Variants in RALY observed in about 807,000 individuals in gnomAD.
RALY encodes the protein RNA-binding protein Raly.
Under a neutral mutation model 30.7 loss-of-function variants are expected in RALY, and 15 were observed. The ratio of observed to expected loss-of-function variants is 0.49; its 90% confidence interval spans 0.33 to 0.75. The LOEUF (loss-of-function observed/expected upper bound fraction) is 0.75, where lower values mean the gene tolerates loss of function less well. RALY is among the 30% of genes least tolerant of loss of function. RALY has a pLI of 0.02. For missense variants in RALY, 339 were observed against 414.3 expected (o/e 0.82, Z 1.58); for synonymous variants, 177 against 170.8 (o/e 1.04, Z -0.28).
chr20:34,067,886 C>T (rs1458357758), intron 2 of RALY, among the ~76,000 whole-genome samples: 4 of 149,568 alleles, frequency 2.7e-5, no homozygotes, highest in Admixed American at 1.3e-4. Flanking sequence ...TGTCTCTTAC[C>T]AGCCCCAAAT....
At chr20:34,031,897 G>A (rs893173346) in intron 2 of RALY, among the ~76,000 whole-genome samples, 1 of 152,112 alleles carries the variant, frequency 6.6e-6, no homozygotes, top group Admixed American at 6.5e-5. Context: ...GCAGGTGGGG[G>A]GCTATCCTGG....
At chr20:34,006,753 A>G (rs1274040601) in intron 1 of RALY, among the ~76,000 whole-genome samples, 1 of 152,236 alleles carries the variant, frequency 6.6e-6, no homozygotes, top group African/African-American at 2.4e-5. Context: ...GAGCAACTAT[A>G]CAGCCTATGC....
intron 1 of RALY, among the ~76,000 whole-genome samples, chr20:34,017,051 G>A (rs1215145429): frequency 3.3e-5 from 1 of 30,250 alleles, no homozygotes; most frequent in African/African-American, 1.9e-4. Context: ...GGACCAGCAG[G>A]CAGGGCTACC....
intron 2 of RALY, among the ~76,000 whole-genome samples, chr20:34,063,709 T>A (rs1330172749): frequency 6.6e-6 from 1 of 152,172 alleles, no homozygotes; most frequent in Admixed American, 6.5e-5. Flanking sequence ...CAGCTCTATG[T>A]ACAGGAGGAA....
At chr20:34,052,692 G>C (rs2033116221) in intron 2 of RALY, among the ~76,000 whole-genome samples, 1 of 152,156 alleles carries the variant, frequency 6.6e-6, no homozygotes, top group Admixed American at 6.5e-5. Context: ...CTCAGTAACT[G>C]GAAAGGTGCC....
At chr20:34,008,734 C>T (rs2031271209) in intron 1 of RALY, among the ~76,000 whole-genome samples, 1 of 152,180 alleles carries the variant, frequency 6.6e-6, no homozygotes, top group African/African-American at 2.4e-5. Context: ...TCATAGCTCA[C>T]TGCAGCCTCA....
intron 1 of RALY, among the ~76,000 whole-genome samples, 171 bp from the exon 2 acceptor site, chr20:34,031,351 G>A (rs931672606): frequency 2.6e-5 from 4 of 151,388 alleles, no homozygotes; most frequent in African/African-American, 4.9e-5. Flanking sequence ...ATGAGCCACC[G>A]CGCCAGGCGT....
At chr20:34,077,306 A>G (rs1400293338) in intron 8 of RALY, 61 bp downstream of exon 8, 14 of 1,601,294 alleles carry the variant, frequency 8.7e-6, no homozygotes, top group Middle Eastern at 1.7e-4. Flanking sequence ...CAGGAGGCCA[A>G]CAGGGGAATG....
intron 1 of RALY, among the ~76,000 whole-genome samples, chr20:34,020,615 G>A (rs933809021): frequency 6.6e-6 from 1 of 152,190 alleles, no homozygotes; most frequent in African/African-American, 2.4e-5. Context: ...GGCAAATCTA[G>A]CCCATTGCCT....
intron 2 of RALY, among the ~76,000 whole-genome samples, chr20:34,044,820 A>G (rs2032823954): frequency 6.6e-6 from 1 of 152,232 alleles, no homozygotes; most frequent in Non-Finnish European, 1.5e-5. Flanking sequence ...TTATACTTAC[A>G]TACATTCAGT....
At chr20:34,029,930 A>T (rs1433699951) in intron 1 of RALY, 1 of 152,262 alleles carries the variant, frequency 6.6e-6, no homozygotes, top group East Asian at 1.9e-4. Flanking sequence ...ACTGTGCGGT[A>T]AATGCCTATT....
chr20:34,012,191 G>A (rs112014130), intron 1 of RALY, among the ~76,000 whole-genome samples: 7 of 152,266 alleles, frequency 4.6e-5, no homozygotes, highest in South Asian at 2.1e-4. Context: ...AGTGGCTTCT[G>A]CCATAGCCTG....
At chr20:34,074,541 C>G (rs533570035) in intron 5 of RALY, among the ~76,000 whole-genome samples, 32 of 152,294 alleles carry the variant, frequency 2.1e-4, no homozygotes, top group African/African-American at 7.2e-4. Context: ...CATGAGTCGT[C>G]CGCCCCCATC....
chr20:34,064,818 C>T (rs899953397), intron 2 of RALY, among the ~76,000 whole-genome samples: 2 of 152,192 alleles, frequency 1.3e-5, no homozygotes, highest in Non-Finnish European at 2.9e-5. Context: ...GCACTTTACT[C>T]ATATTATCTC....
rs142340147 is a variant in RALY at position 34,053,676 on chromosome 20, C to T, written c.-9-18390C>T. Among the ~76,000 whole-genome samples, 4 of 152,152 alleles carry T rather than the reference C, an allele frequency of 2.6e-5. No individual in the cohort carries two copies. In the East Asian group the frequency reaches 7.8e-4, roughly 30 times the overall value. On this transcript the variant is annotated intron_variant, in intron 2 of 9. Transcript: ENST00000246194. ...CCTCCCAAAGTATTAGGATTACAGG[C>T]GTGAGCCACCATGCCTAGCCAAGAA...
At chr20:34,054,388 G>T (rs1464583465) in intron 2 of RALY, among the ~76,000 whole-genome samples, 1 of 152,194 alleles carries the variant, frequency 6.6e-6, no homozygotes, top group Non-Finnish European at 1.5e-5. Context: ...TCAGCAGAGA[G>T]TATCTGGGTC....
At chr20:34,065,749 G>A (rs1426892631) in intron 2 of RALY, among the ~76,000 whole-genome samples, 1 of 152,146 alleles carries the variant, frequency 6.6e-6, no homozygotes, top group African/African-American at 2.4e-5. Flanking sequence ...GAACCACCCG[G>A]ATGTCCCCAG....
chr20:34,040,875 A>G (rs2032673748), intron 2 of RALY, among the ~76,000 whole-genome samples: 2 of 152,206 alleles, frequency 1.3e-5, no homozygotes. Context: ...TTTCCTGAGT[A>G]TCATACTGCC....
intron 1 of RALY, among the ~76,000 whole-genome samples, chr20:34,002,318 A>G (rs1216803272): frequency 6.6e-6 from 1 of 152,210 alleles, no homozygotes. Flanking sequence ...CCGTGGCATG[A>G]TTATTTATGC....
Sources: gnomAD v4.1 joint callset for allele counts (sites outside exome capture counted in the v4.1 genomes callset) on GRCh38, gnomAD v4.1.1 for gene constraint, MANE v1.5 for transcripts, NCBI Gene and HGNC (gene_info 2026-07-23, HGNC 2026-07-21) for gene names.